Variants in L3HYPDH observed in about 807,000 individuals in gnomAD.
L3HYPDH encodes the protein trans-L-3-hydroxyproline dehydratase, also known as trans-3-hydroxy-L-proline dehydratase.
In L3HYPDH, 32 loss-of-function variants were observed where a neutral mutation model predicts 26.5. That is an observed-to-expected ratio of 1.21 (90% CI 0.91 to 1.62). The LOEUF (loss-of-function observed/expected upper bound fraction) is 1.62. Among genes scored for constraint, L3HYPDH ranks in the 40% most tolerant of loss-of-function variants. The pLI is 0.00. For missense variants in L3HYPDH, 554 were observed against 476.4 expected (o/e 1.16, Z -1.52); for synonymous variants, 215 against 196.6 (o/e 1.09, Z -0.78).
chr14:59,492,184 T>G, the L3HYPDH span, among the ~76,000 whole-genome samples: 2 of 151,930 alleles, frequency 1.3e-5, no homozygotes, highest in Non-Finnish European at 2.9e-5. Context: ...AATAAGATTA[T>G]TAGGAATAAA....
At chr14:59,467,267 G>C (rs143935541) in intron 1 of L3HYPDH, among the ~76,000 whole-genome samples, 1 of 152,240 alleles carries the variant, frequency 6.6e-6, no homozygotes, top group African/African-American at 2.4e-5. Flanking sequence ...CTGGAGGTTA[G>C]TGTTGAAGTG....
At chr14:59,475,109 A>C (rs1889536719) in intron 4 of L3HYPDH, 1 of 152,178 alleles carries the variant, frequency 6.6e-6, no homozygotes, top group South Asian at 2.1e-4. Flanking sequence ...GCACATTTAA[A>C]ATTTTATTCC....
rs1293779200 is a variant in L3HYPDH, at chr14:59,484,337, A to G, written c.-21T>C. On this transcript the variant is annotated 5_prime_UTR_variant, in exon 1 of 5. Coordinates refer to ENST00000247194, the MANE Select transcript of L3HYPDH (RefSeq NM_144581.2). ...TCCATGGTCTGCGTCGGGGGAGACG[A>G]GTACGGTCCCGCAGCTATGGCTTCA... The G allele has an allele frequency of 1.3e-6, 2 of 1,565,744 alleles. No individual in the cohort carries two copies. The highest frequency in any genetic ancestry group is 8.6e-7 in the Non-Finnish European group (1 of 1,162,214).
chr14:59,495,263 T>A, the L3HYPDH span: 73 of 1,426,612 alleles, frequency 5.1e-5, 1 homozygote, highest in African/African-American at 4.1e-4. Flanking sequence ...TGTTTTTTTT[T>A]AAATCTCTGA....
At chr14:59,502,773 T>TTGTTTTTTTTTTTTTTTTTTG in the L3HYPDH span, among the ~76,000 whole-genome samples, 30 of 102,840 alleles carry the variant, frequency 2.9e-4, 1 homozygote, top group East Asian at 8.5e-4. Flanking sequence ...TTTTTTTTTT[T>TTGTTTTTTTTTTTTTTTTTTG]CGGAGTCTCA....
chr14:59,495,118 C>T, the L3HYPDH span: 9 of 1,613,240 alleles, frequency 5.6e-6, no homozygotes, highest in East Asian at 2.2e-5. Flanking sequence ...TCTTTATATT[C>T]GTTCATGTCG....
At chr14:59,467,618 C>T (rs1343210744), downstream of L3HYPDH, among the ~76,000 whole-genome samples, 1 of 152,190 alleles carries the variant, frequency 6.6e-6, no homozygotes, top group Non-Finnish European at 1.5e-5. Flanking sequence ...ATCTCACTCA[C>T]ATCCAGGACT....
chr14:59,485,033 T>C, upstream of L3HYPDH: 2 of 1,597,982 alleles, frequency 1.3e-6, no homozygotes, highest in Non-Finnish European at 1.7e-6. Context: ...TGCAAAAAAA[T>C]GGAATCTTAA....
At chr14:59,465,862 G>A (rs888932067) in intron 1 of L3HYPDH, among the ~76,000 whole-genome samples, 2 of 152,206 alleles carry the variant, frequency 1.3e-5, no homozygotes, top group Admixed American at 6.5e-5. Context: ...TAAAATACAA[G>A]TGACGAGGTC....
intron 1 of L3HYPDH, among the ~76,000 whole-genome samples, chr14:59,467,259 G>C (rs1889215672): frequency 6.6e-6 from 1 of 152,204 alleles, no homozygotes. Context: ...TGCAAAGTCT[G>C]GAGGTTAGTG....
At chr14:59,496,271 A>T in the L3HYPDH span, among the ~76,000 whole-genome samples, 2 of 150,710 alleles carry the variant, frequency 1.3e-5, no homozygotes, top group Admixed American at 6.6e-5. Flanking sequence ...TATAATTTAT[A>T]TATAAAATAC....
the L3HYPDH span, chr14:59,498,814 G>A: frequency 1.2e-6 from 2 of 1,611,454 alleles, no homozygotes; most frequent in Admixed American, 1.7e-5. Flanking sequence ...TTGCATGTGG[G>A]TTAGGGAAAT....
At chr14:59,488,956 C>T (rs574064603), upstream of L3HYPDH, among the ~76,000 whole-genome samples, 27 of 152,356 alleles carry the variant, frequency 1.8e-4, no homozygotes, top group African/African-American at 6.3e-4. Context: ...TCTATTCTTT[C>T]CTTCTAGGCC....
chr14:59,484,651 A>G, upstream of L3HYPDH: 1 of 1,555,346 alleles, frequency 6.4e-7, no homozygotes. Context: ...ACTTTCCTAC[A>G]CGGCTGGCCT....
chr14:59,488,165 A>G (rs973770234), upstream of L3HYPDH, among the ~76,000 whole-genome samples: 2 of 152,000 alleles, frequency 1.3e-5, no homozygotes, highest in Non-Finnish European at 2.9e-5. Context: ...TTAATTTAAT[A>G]CTAATAATCT....
chr14:59,494,870 C>G, the L3HYPDH span: 1 of 618,016 alleles, frequency 1.6e-6, no homozygotes, highest in African/African-American at 1.8e-5. Flanking sequence ...TGTTATTTAT[C>G]CCTTTTGAGA....
chr14:59,483,532 G>T, intron 1 of L3HYPDH: 1 of 1,388,040 alleles, frequency 7.2e-7, no homozygotes, highest in African/African-American at 1.5e-5. Flanking sequence ...TGCCTCACCA[G>T]TGCAGAGGGA....
In L3HYPDH at chr14:59,479,281, T is replaced by G; in HGVS notation, c.579A>C (p.Ala193=). Residue 193 remains alanine, a synonymous_variant, in exon 2 of 5, where the codon GCA becomes GCC. Transcript: ENST00000247194. ...GTCCTAACTTTTCAGCAGTAACAAA[T>G]GCATAAAATGCACCGCCATATGCAA... is the stretch of plus-strand genomic sequence containing the variant. ...VDIAYGGAFY[A]FVTAEKLGLD... 6.2e-7 allele frequency: 1 copy of G among 1,613,828 alleles called. No individual in the cohort carries two copies. Among genetic ancestry groups the G allele is most frequent in the Non-Finnish European group, 8.5e-7 (1 of 1,179,942 alleles).
At chr14:59,504,075 G>A in the L3HYPDH span, 4 of 1,595,260 alleles carry the variant, frequency 2.5e-6, no homozygotes, top group Non-Finnish European at 3.4e-6. Context: ...GACACTGAGT[G>A]TAGACATGTG....
Sources: allele counts gnomAD v4.1 joint callset (sites outside exome capture counted in the v4.1 genomes callset), GRCh38; gene constraint gnomAD v4.1.1; transcripts MANE v1.5; gene names NCBI Gene and HGNC (gene_info 2026-07-23, HGNC 2026-07-21).